The following GPATCH2L variants were observed in gnomAD, a reference collection of about 807,000 sequenced individuals.
GPATCH2L encodes G-patch domain containing 2 like.
In GPATCH2L, 31 loss-of-function variants were observed where a neutral mutation model predicts 57.4. That is an observed-to-expected ratio of 0.54 (90% CI 0.41 to 0.73). The LOEUF (loss-of-function observed/expected upper bound fraction) is 0.73, where lower values mean the gene tolerates loss of function less well. Ranked by LOEUF, GPATCH2L falls within the 30% of genes least tolerant of loss-of-function variation. The pLI is 0.00. For synonymous variants in GPATCH2L, 199 were observed against 210.7 expected (o/e 0.94, Z 0.48); for missense variants, 481 against 599.9 (o/e 0.80, Z 2.07).
chr14:76,164,584 AC>A (rs1243701460), intron 2 of GPATCH2L, among the ~76,000 whole-genome samples: 3 of 152,186 alleles, frequency 2.0e-5, no homozygotes, highest in Admixed American at 2.0e-4. Context: ...TACAACCAAA[AC>A]ACTGATCTAT....
chr14:76,214,630 G>A (rs1464083391), downstream of GPATCH2L, among the ~76,000 whole-genome samples: 1 of 152,054 alleles, frequency 6.6e-6, no homozygotes, highest in East Asian at 1.9e-4. Flanking sequence ...TCTTTTATAA[G>A]GGCATAAATC....
chr14:76,176,794 G>A (rs1412783829), intron 6 of GPATCH2L, 104 bp downstream of exon 6: 5 of 762,632 alleles, frequency 6.6e-6, no homozygotes, highest in Non-Finnish European at 1.2e-5. Flanking sequence ...AGAGTTCAAA[G>A]AGATCTTAAA....
In GPATCH2L at chr14:76,180,797, G is replaced by T; in HGVS notation, c.1141G>T (p.Val381Phe). ...CCTGTCTCCCCTTTACTCCCTGGAT[G>T]TTCTTGCCGATGCTTCTCACCGAAG... ...NPLSPLYSLD[V>F]LADASHRRCS... The change falls in exon 8 of 10, where the codon GTT becomes TTT. Residue 381 changes from valine (V) to phenylalanine (F), a missense_variant. Coordinates refer to ENST00000261530, the MANE Select transcript of GPATCH2L (RefSeq NM_017926.4). 6.2e-7 allele frequency: 1 copy of T among 1,613,432 alleles called. No homozygotes were observed. Among genetic ancestry groups the T allele is most frequent in the African/African-American group, 1.3e-5 (1 of 75,030 alleles).
intron 3 of GPATCH2L, 127 bp from the exon 4 acceptor site, chr14:76,171,716 C>G: frequency 1.4e-5 from 9 of 632,594 alleles, no homozygotes; most frequent in Non-Finnish European, 2.2e-5. Context: ...GAGCAAGACT[C>G]TGTCTCAAAA....
At chr14:76,152,296 G>C (rs926613578) in intron 1 of GPATCH2L, among the ~76,000 whole-genome samples, 2 of 152,174 alleles carry the variant, frequency 1.3e-5, no homozygotes, top group Non-Finnish European at 2.9e-5. Flanking sequence ...GGACGGGCCG[G>C]GGCGTGGTGG....
At chr14:76,225,008 T>C (rs2040531006) in intron 1 of GPATCH2L, among the ~76,000 whole-genome samples, 1 of 152,192 alleles carries the variant, frequency 6.6e-6, no homozygotes, top group Non-Finnish European at 1.5e-5. Flanking sequence ...ATCTGCTGTA[T>C]TCATGAATTG....
At chr14:76,218,713 T>G (rs1371176264), downstream of GPATCH2L, among the ~76,000 whole-genome samples, 1 of 151,110 alleles carries the variant, frequency 6.6e-6, no homozygotes, top group Non-Finnish European at 1.5e-5. Flanking sequence ...ATATTAAAAT[T>G]TATACATCTA....
At chr14:76,227,664 TGTGA>T (rs1163584848) in intron 1 of GPATCH2L, among the ~76,000 whole-genome samples, 1 of 152,242 alleles carries the variant, frequency 6.6e-6, no homozygotes, top group Non-Finnish European at 1.5e-5. Context: ...CAGTAGCTCC[TGTGA>T]GTAACACAGA....
At chr14:76,172,217 T>A (rs1246482638) in intron 4 of GPATCH2L, among the ~76,000 whole-genome samples, 198 bp downstream of exon 4, 18 of 152,234 alleles carry the variant, frequency 1.2e-4, no homozygotes, top group Non-Finnish European at 2.9e-5. Flanking sequence ...AACTAATCCA[T>A]GGAAACTCCT....
At chr14:76,196,131 T>C in intron 9 of GPATCH2L, 159 bp downstream of exon 9, 1 of 722,224 alleles carries the variant, frequency 1.4e-6, no homozygotes, top group East Asian at 2.7e-5. Flanking sequence ...ATTAGCCTAG[T>C]TCTTGCTGAC....
downstream of GPATCH2L, among the ~76,000 whole-genome samples, chr14:76,214,659 C>T (rs775331783): frequency 1.3e-5 from 2 of 152,152 alleles, no homozygotes; most frequent in Non-Finnish European, 2.9e-5. Context: ...TAGGGCTCCA[C>T]CCTCCTAATC....
At chr14:76,159,443 G>A (rs370699782) in intron 2 of GPATCH2L, among the ~76,000 whole-genome samples, 1 of 152,150 alleles carries the variant, frequency 6.6e-6, no homozygotes, top group East Asian at 1.9e-4. Context: ...CTCTACTCCC[G>A]TGGACATAGG....
intron 4 of GPATCH2L, 43 bp downstream of exon 4, chr14:76,172,062 T>G: frequency 7.5e-7 from 1 of 1,331,418 alleles, no homozygotes; most frequent in East Asian, 2.5e-5. Flanking sequence ...TTTATGGTTC[T>G]CCTTGGGCAG....
intron 8 of GPATCH2L, among the ~76,000 whole-genome samples, chr14:76,188,816 T>TA (rs953587714): frequency 6.6e-6 from 1 of 152,166 alleles, no homozygotes; most frequent in African/African-American, 2.4e-5. Context: ...AATGTTTTCT[T>TA]ATAGTAGTTT....
Position 76,154,324 on chromosome 14 carries a change from T to C in GPATCH2L, c.-10-30T>C. The C allele has an allele frequency of 6.6e-7, 1 of 1,509,786 alleles. No homozygotes were observed. The highest frequency in any genetic ancestry group is 8.9e-7 in the Non-Finnish European group (1 of 1,119,186). The allele number at this position is 1,509,786 out of a possible 1,614,324, so 93.5% of individuals were successfully genotyped here. On this transcript the variant is annotated intron_variant, in intron 1 of 9. Coordinates refer to ENST00000261530, the MANE Select transcript of GPATCH2L (RefSeq NM_017926.4). The surrounding 1 kb of genome is among the most constrained non-coding windows in gnomAD (Gnocchi z 4.4). ...TTCTTTTTCTTTTTCTTTTCTTTCT[T>C]TCTTTTTTTCCTAAACTTCCTTTTG... is the stretch of plus-strand genomic sequence containing the variant.
intron 5 of GPATCH2L, chr14:76,175,242 G>C (rs952398281): frequency 1.3e-5 from 2 of 152,172 alleles, no homozygotes; most frequent in African/African-American, 4.8e-5. Context: ...TTGCCTGGAA[G>C]GGAGTGAGGG....
intron 2 of GPATCH2L, among the ~76,000 whole-genome samples, chr14:76,166,402 G>A (rs559809491): frequency 1.3e-5 from 2 of 152,272 alleles, no homozygotes; most frequent in African/African-American, 4.8e-5. Context: ...AGCTTTAATA[G>A]CTTTCTAGTC....
intron 8 of GPATCH2L, among the ~76,000 whole-genome samples, chr14:76,186,305 G>T (rs995177197): frequency 3.3e-5 from 5 of 152,114 alleles, no homozygotes; most frequent in Admixed American, 2.6e-4. Flanking sequence ...AATAGGATAG[G>T]CTGAGCTCAT....
At chr14:76,218,294 T>G (rs1368576779), downstream of GPATCH2L, among the ~76,000 whole-genome samples, 1 of 152,038 alleles carries the variant, frequency 6.6e-6, no homozygotes, top group Non-Finnish European at 1.5e-5. Flanking sequence ...GATACTGAGT[T>G]TTTTACTTAG....
Sources: gnomAD v4.1 joint callset for allele counts (sites outside exome capture counted in the v4.1 genomes callset) on GRCh38, gnomAD v4.1.1 for gene constraint, Gnocchi (gnomAD v3.1) non-coding constraint, MANE v1.5 for transcripts, NCBI Gene and HGNC (gene_info 2026-07-23, HGNC 2026-07-21) for gene names.